CRADD: variants seen among roughly 807,000 people sequenced by gnomAD.
The protein encoded by CRADD is death domain-containing protein CRADD.
In CRADD, 9 loss-of-function variants were observed where a neutral mutation model predicts 15.5. That is an observed-to-expected ratio of 0.58 (90% confidence interval 0.35 to 1.01). CRADD has a LOEUF of 1.01. Ranked by LOEUF, CRADD falls within the 50% of genes least tolerant of loss-of-function variation. CRADD has a pLI of 0.02. For missense variants in CRADD, 227 were observed against 250.3 expected (o/e 0.91, Z 0.63); for synonymous variants, 118 against 107.6 (o/e 1.10, Z -0.60).
chr12:93,885,675 A>T (rs1958531474), intron 2 of CRADD, among the ~76,000 whole-genome samples: 2 of 152,138 alleles, frequency 1.3e-5, no homozygotes, highest in African/African-American at 4.8e-5. Flanking sequence ...TCTTTTGAAA[A>T]ATGGGTATAA....
Position 93,678,838 on chromosome 12 carries a change from G to A in CRADD, c.64G>A (p.Val22Met). Reference protein sequence around the residue: ...LRLELGAEVLVEGLVLQYLYQ... With the variant: ...LRLELGAEVLMEGLVLQYLYQ... ...CCTGGAGCTGGGTGCAGAGGTATTG[G>A]TGGAGGGACTGGTTCTTCAGTACCT... The change falls in exon 2 of 3, where the codon GTG (valine) becomes ATG (methionine). Residue 22 changes from valine to methionine, a missense_variant. By Grantham distance (21) the Val-to-Met change is conservative (BLOSUM62 1). Coordinates refer to ENST00000332896, the MANE Select transcript of CRADD (RefSeq NM_003805.5). 6.2e-7 allele frequency: 1 copy of A among 1,614,238 alleles called. No homozygotes were observed.
chr12:93,704,629 T>A (rs184610061), intron 2 of CRADD, among the ~76,000 whole-genome samples: 1 of 152,342 alleles, frequency 6.6e-6, no homozygotes, highest in Non-Finnish European at 1.5e-5. Context: ...CAGAGCCATC[T>A]TTTAAAAATA....
At chr12:93,696,522 T>A (rs1481173768) in intron 2 of CRADD, among the ~76,000 whole-genome samples, 1 of 152,106 alleles carries the variant, frequency 6.6e-6, no homozygotes, top group African/African-American at 2.4e-5. Context: ...ATATGTAGAA[T>A]CTAAAAAAGT....
At chr12:93,859,353 G>A in intron 2 of CRADD, 1 of 455,814 alleles carries the variant, frequency 2.2e-6, no homozygotes, top group South Asian at 1.5e-5. Flanking sequence ...GGGGAGGAAG[G>A]GAATCACCAA....
At chr12:93,765,811 T>C (rs897646762) in intron 2 of CRADD, among the ~76,000 whole-genome samples, 3 of 151,914 alleles carry the variant, frequency 2.0e-5, no homozygotes, top group Admixed American at 6.6e-5. Context: ...AGAAAAAAAC[T>C]AAGGGAAAAA....
chr12:93,827,212 A>G (rs11610562), intron 2 of CRADD, among the ~76,000 whole-genome samples: 12,736 of 152,206 alleles, frequency 0.084, 616 homozygotes, highest in Middle Eastern at 0.21. Context: ...ATGTCCCTCT[A>G]TAATTCCTTC....
chr12:93,700,848 G>T (rs1955829166), intron 2 of CRADD, among the ~76,000 whole-genome samples: 1 of 152,118 alleles, frequency 6.6e-6, no homozygotes, highest in South Asian at 2.1e-4. Flanking sequence ...GTTAACTCCA[G>T]TTCCTCCTTT....
chr12:93,842,459 T>C (rs546389129), intron 2 of CRADD, among the ~76,000 whole-genome samples: 2 of 152,246 alleles, frequency 1.3e-5, no homozygotes, highest in Middle Eastern at 6.8e-3. Context: ...TGCTTTAAGA[T>C]GATCATCAGC....
At chr12:93,799,711 C>A (rs1390408681) in intron 2 of CRADD, among the ~76,000 whole-genome samples, 3 of 152,084 alleles carry the variant, frequency 2.0e-5, no homozygotes, top group Non-Finnish European at 4.4e-5. Context: ...TGAAAAAATA[C>A]CCAGATAGTT....
intron 2 of CRADD, among the ~76,000 whole-genome samples, chr12:93,788,864 C>T (rs1957315195): frequency 6.6e-6 from 1 of 152,044 alleles, no homozygotes; most frequent in Non-Finnish European, 1.5e-5. Flanking sequence ...CACGGGAGAG[C>T]CTTTGGGGAA....
intron 2 of CRADD, among the ~76,000 whole-genome samples, chr12:93,877,513 G>C (rs988158343): frequency 1.3e-5 from 2 of 152,214 alleles, no homozygotes; most frequent in African/African-American, 4.8e-5. Flanking sequence ...GTATTCTGTT[G>C]TACTGCAGCT....
chr12:93,879,517 C>T (rs140700950), intron 2 of CRADD, among the ~76,000 whole-genome samples: 16 of 152,290 alleles, frequency 1.1e-4, no homozygotes, highest in African/African-American at 2.9e-4. Context: ...GCCACGTCTG[C>T]CCCCTAAATG....
chr12:93,797,195 T>G (rs1957428003), intron 2 of CRADD, among the ~76,000 whole-genome samples: 1 of 151,988 alleles, frequency 6.6e-6, no homozygotes, highest in South Asian at 2.1e-4. Flanking sequence ...GGGCAAGCAT[T>G]TACTGGTTGC....
In CRADD at chr12:93,820,580, C is replaced by T. The variant is rs570309217; in HGVS notation, c.299-29390C>T. 2.0e-5 allele frequency among the ~76,000 whole-genome samples: 3 copies of T among 152,028 alleles called. No homozygotes were observed. In the South Asian group the frequency reaches 6.2e-4, roughly 32 times the overall value. On this transcript the variant is annotated intron_variant, in intron 2 of 2. Coordinates refer to ENST00000332896, the MANE Select transcript of CRADD (RefSeq NM_003805.5). ...AAAAAAAAGAAAAAAAAGCATGCTC[C>T]CCTCTGAGAAGACGCATCACTGGGC...
At chr12:93,856,429 G>C (rs1305219454) in intron 2 of CRADD, among the ~76,000 whole-genome samples, 1 of 152,200 alleles carries the variant, frequency 6.6e-6, no homozygotes, top group Non-Finnish European at 1.5e-5. Flanking sequence ...ATCTCAGCCT[G>C]CTGGGGAGAC....
At chr12:93,778,389 T>A (rs1049689472) in intron 2 of CRADD, among the ~76,000 whole-genome samples, 1 of 152,228 alleles carries the variant, frequency 6.6e-6, no homozygotes, top group Non-Finnish European at 1.5e-5. Flanking sequence ...GCGCACGAGT[T>A]GAATGACAAC....
chr12:93,709,925 T>C (rs2136858923), intron 2 of CRADD, among the ~76,000 whole-genome samples: 2 of 152,366 alleles, frequency 1.3e-5, no homozygotes, highest in African/African-American at 4.8e-5. Flanking sequence ...AAAAATATTC[T>C]GTACTATACC....
intron 2 of CRADD, among the ~76,000 whole-genome samples, chr12:93,861,359 G>T (rs116607379): frequency 0.034 from 5,219 of 152,356 alleles, 295 homozygotes; most frequent in African/African-American, 0.12. Context: ...CTTGAGAAGA[G>T]AGGGGCTCCA....
chr12:93,793,202 G>T (rs1409886515), intron 2 of CRADD, among the ~76,000 whole-genome samples: 1 of 152,148 alleles, frequency 6.6e-6, no homozygotes, highest in Non-Finnish European at 1.5e-5. Context: ...ATCAGCATAT[G>T]CGTTCCACAT....
Sources: allele counts gnomAD v4.1 joint callset (sites outside exome capture counted in the v4.1 genomes callset), GRCh38; gene constraint gnomAD v4.1.1; transcripts MANE v1.5; gene names NCBI Gene and HGNC (gene_info 2026-07-23, HGNC 2026-07-21).